HINFP: variants seen among roughly 807,000 people sequenced by gnomAD.
HINFP encodes the protein MBD2 (methyl-CpG-binding protein)-interacting zinc finger protein.
In HINFP, 20 loss-of-function variants were observed where a neutral mutation model predicts 50.1. The observed-to-expected ratio is 0.40, with a 90% confidence interval of 0.28 to 0.58. HINFP has a LOEUF of 0.58. Ranked by LOEUF, HINFP falls within the 20% of genes least tolerant of loss-of-function variation. HINFP has a pLI of 0.45. For missense variants in HINFP, 505 were observed against 664.1 expected, an observed-to-expected ratio of 0.76 and a Z score of 2.63; for synonymous variants, 247 against 243.7, an observed-to-expected ratio of 1.01 and a Z score of -0.13.
chr11:119,132,217 T>C (rs944370141), intron 5 of HINFP: 1 of 618,180 alleles, frequency 1.6e-6, no homozygotes, highest in Non-Finnish European at 2.8e-6. Context: ...CCCCATGAGG[T>C]AGGCTTCTTA....
At position 119,127,094 on chromosome 11, in the gene HINFP, GGAGGAA is replaced by G; in HGVS notation, c.162_167del (p.Glu55_Glu56del). The G allele has an allele frequency of 6.2e-7, 1 of 1,613,056 alleles. No individual in the cohort carries two copies. The highest frequency in any genetic ancestry group is 8.5e-7 in the Non-Finnish European group (1 of 1,179,722). On this transcript the variant is annotated inframe_deletion, in exon 2 of 10. Coordinates refer to ENST00000350777, the MANE Select transcript of HINFP (RefSeq NM_198971.3). ...AGCACCTGCATGGCTCTGGGGAGGA[GGAGGAA>G]GAGGAAGAGGAGGATGACCCACTTG...
intron 2 of HINFP, among the ~76,000 whole-genome samples, chr11:119,129,692 C>T (rs1947646938): frequency 6.6e-6 from 1 of 151,806 alleles, no homozygotes; most frequent in Admixed American, 6.6e-5. Flanking sequence ...TCTCGATCTC[C>T]TGACCTCGTG....
chr11:119,132,229 C>A (rs771269918), intron 5 of HINFP: 1 of 616,756 alleles, frequency 1.6e-6, no homozygotes, highest in South Asian at 2.0e-5. Context: ...GGCTTCTTAT[C>A]CCCCTTTTTG....
At chr11:119,130,057 G>A (rs1652513268) in intron 2 of HINFP, 1 of 152,370 alleles carries the variant, frequency 6.6e-6, no homozygotes, top group South Asian at 2.1e-4. Flanking sequence ...TAGAGAGATA[G>A]GAAATGGATT....
intron 2 of HINFP, among the ~76,000 whole-genome samples, chr11:119,127,839 C>T (rs1947503213): frequency 6.6e-6 from 1 of 151,932 alleles, no homozygotes; most frequent in Non-Finnish European, 1.5e-5. Context: ...CCAAGTCCAA[C>T]CCCACTCCCA....
chr11:119,127,699 C>G (rs1430568271), intron 2 of HINFP, among the ~76,000 whole-genome samples: 1 of 151,580 alleles, frequency 6.6e-6, no homozygotes, highest in Non-Finnish European at 1.5e-5. Flanking sequence ...CACCACCACA[C>G]GCCAATTTTT....
rs776389539 is a variant in HINFP at position 119,131,865 on chromosome 11, C to T, written c.559C>T (p.Arg187Ter). The change falls in exon 5 of 10, where the codon CGA (arginine) becomes TGA (stop). Residue 187 changes from arginine (R) to a stop codon, truncating the protein, a stop_gained. Coordinates refer to ENST00000350777, the MANE Select transcript of HINFP (RefSeq NM_198971.3). LOFTEE classifies it high-confidence loss of function. The surrounding 1 kb of genome is among the most constrained non-coding windows in gnomAD (Gnocchi z 4.2). ...CACCTTCAAGGACCGCAGTAAACTT[C>T]GAGAGCACCTCCGCAGCCATACCCA... ...TCTFKDRSKL[R>*]EHLRSHTQEK... The T allele has an allele frequency of 1.2e-6, 2 of 1,614,132 alleles. No homozygotes were observed. Among genetic ancestry groups the T allele is most frequent in the Admixed American group, 1.7e-5 (1 of 60,018 alleles).
rs939965074 is a variant in HINFP, at chr11:119,135,853, C to G, written c.*1355C>G. 1 of 152,104 alleles carries G rather than the reference C, an allele frequency of 6.6e-6. No individual in the cohort carries two copies. The highest frequency in any genetic ancestry group is 1.5e-5 in the Non-Finnish European group (1 of 68,048). The allele number at this position is 152,104 out of a possible 1,614,324, so 9.4% of individuals were successfully genotyped here. A position where few individuals can be genotyped will look rare whatever the true frequency, so the allele number is the denominator to read the frequency against. On this transcript the variant is annotated 3_prime_UTR_variant, in exon 10 of 10. Coordinates refer to ENST00000350777, the MANE Select transcript of HINFP (RefSeq NM_198971.3). ...ACCATCCTGGCCAACATGGTGAAAC[C>G]CCGTCTCTACTAAAAATATAAAAAT... is the stretch of plus-strand genomic sequence containing the variant.
At chr11:119,128,536 C>T (rs958261338) in intron 2 of HINFP, among the ~76,000 whole-genome samples, 1 of 150,824 alleles carries the variant, frequency 6.6e-6, no homozygotes, top group East Asian at 2.0e-4. Flanking sequence ...CCCTGTTGGC[C>T]AGCCTGGTCT....
Position 119,133,211 on chromosome 11 carries a change from C to T in HINFP, c.1131C>T (p.Pro377=), listed in dbSNP as rs893635492. 4 of 1,613,920 alleles carry T rather than the reference C, an allele frequency of 2.5e-6. No homozygotes were observed. The highest frequency in any genetic ancestry group is 3.4e-6 in the Non-Finnish European group (4 of 1,180,014). ...AGTTCAAGTGGCCCTCAGGGCATCC[C>T]CGTTTTCGGTATGTCTCTCAACCCT... ...KHQFKWPSGH[P]RFRYKEHEDG... Residue 377 remains proline (P), a synonymous_variant, in exon 9 of 10, where the codon CCC becomes CCT. Coordinates refer to ENST00000350777, the MANE Select transcript of HINFP (RefSeq NM_198971.3).
chr11:119,123,369 T>C (rs1372092323), intron 1 of HINFP, among the ~76,000 whole-genome samples: 1 of 152,104 alleles, frequency 6.6e-6, no homozygotes, highest in Non-Finnish European at 1.5e-5. Context: ...AGCTTCTCAA[T>C]AGATGTTCGT....
intron 5 of HINFP, 57 bp from the exon 6 acceptor site, chr11:119,132,439 T>C: frequency 6.3e-7 from 1 of 1,579,672 alleles, no homozygotes; most frequent in South Asian, 1.1e-5. Context: ...CCCTCTCCTT[T>C]CTGTGCCTCT....
intron 1 of HINFP, chr11:119,125,404 T>A (rs1663062338): frequency 6.6e-6 from 1 of 152,216 alleles, no homozygotes; most frequent in East Asian, 1.9e-4. Context: ...GTGCAGTGGC[T>A]CATGCCTGTA....
chr11:119,123,060 G>A lies in HINFP; in HGVS notation c.-11+1421G>A, dbSNP rs546770097. Among the ~76,000 whole-genome samples, 11 of 136,060 alleles carry A rather than the reference G, an allele frequency of 8.1e-5. No homozygotes were observed. The South Asian group carries it at 2.1e-3, about 26-fold the overall frequency. The allele number at this position is 136,060 out of a possible 152,430, so 89.3% of individuals were successfully genotyped here. A position where few individuals can be genotyped will look rare whatever the true frequency, so the allele number is the denominator to read the frequency against. ...CGAGAATCGCTTGAACCTGGGAGGC[G>A]GAGGTTGCAGTGAGCCCAGATCACA... On this transcript the variant is annotated intron_variant, in intron 1 of 9. Transcript: ENST00000350777.
chr11:119,127,404 A>G (rs1947468071), intron 2 of HINFP: 1 of 237,754 alleles, frequency 4.2e-6, no homozygotes, highest in East Asian at 7.0e-5. Context: ...CATATATTTA[A>G]ATACAGATGA....
rs1360985565 is a variant in HINFP, at chr11:119,135,454, G to A, written c.*956G>A. 2.0e-5 allele frequency: 3 copies of A among 152,184 alleles called. No homozygotes were observed. The highest frequency in any genetic ancestry group is 2.0e-4 in the Admixed American group (3 of 15,272). 9.4% of individuals were successfully genotyped at this position (152,184 alleles called of 1,614,324 possible). On this transcript the variant is annotated 3_prime_UTR_variant, in exon 10 of 10. Transcript: ENST00000350777. Reference sequence around the variant, plus strand: ...GGAGAGGATTGGGAAGCCTCCCAGGGAAGGGAGGCAATCAAGTGGTCCAGG... The same window carrying A: ...GGAGAGGATTGGGAAGCCTCCCAGGAAAGGGAGGCAATCAAGTGGTCCAGG...
In HINFP at chr11:119,131,022, T is replaced by G. The variant is rs1220037671; in HGVS notation, c.411+68T>G. ...GGTCTTAACTCTGATGCCTTGTCCC[T>G]TTCAGGGATGCCTTATATTTCCAAG... On this transcript the variant is annotated intron_variant, in intron 3 of 9. Transcript: ENST00000350777. This position sits in a 1 kb window ranked among gnomAD's most constrained non-coding sequence, Gnocchi z 4.2. 2.5e-6 allele frequency: 3 copies of G among 1,222,502 alleles called. No homozygotes were observed. The highest frequency in any genetic ancestry group is 3.6e-6 in the Non-Finnish European group (3 of 824,974). 75.7% of individuals were successfully genotyped at this position (1,222,502 alleles called of 1,614,324 possible).
Position 119,132,769 on chromosome 11 carries a change from G to A in HINFP, c.863G>A (p.Cys288Tyr), listed in dbSNP as rs1326946216. Reference sequence around the variant, plus strand: ...GAGGACCGGCCCTTTAAATGTGACTGTTGTGACTACAGGTAAGGGGGACCA... The same window carrying A: ...GAGGACCGGCCCTTTAAATGTGACTATTGTGACTACAGGTAAGGGGGACCA... Reference protein sequence around the residue: ...HSEDRPFKCDCCDYSCKNLID... With the variant: ...HSEDRPFKCDYCDYSCKNLID... Residue 288 changes from cysteine (C) to tyrosine (Y), a missense_variant, in exon 7 of 10, where the codon TGT becomes TAT. Physicochemically the swap from Cys to Tyr is radical, Grantham distance 194. Transcript: ENST00000350777. The A allele has an allele frequency of 6.2e-7, 1 of 1,613,458 alleles. No homozygotes were observed.
In HINFP at chr11:119,134,694, G is replaced by A; in HGVS notation, c.*196G>A. 1.9e-6 allele frequency: 1 copy of A among 527,930 alleles called. No individual in the cohort carries two copies. Among genetic ancestry groups the A allele is most frequent in the Non-Finnish European group, 3.4e-6 (1 of 298,472 alleles). 32.7% of individuals were successfully genotyped at this position (527,930 alleles called of 1,614,324 possible). ...CCTTTTCTGCCAGACTACATTTTGT[G>A]GGGAGCCTGAGGACTCTGGATTCTT... is the stretch of plus-strand genomic sequence containing the variant. On this transcript the variant is annotated 3_prime_UTR_variant, in exon 10 of 10. Transcript: ENST00000350777. This position sits in a 1 kb window ranked among gnomAD's most constrained non-coding sequence, Gnocchi z 4.3.
Sources: allele counts gnomAD v4.1 joint callset (sites outside exome capture counted in the v4.1 genomes callset), GRCh38; gene constraint gnomAD v4.1.1; non-coding constraint Gnocchi (gnomAD v3.1); transcripts MANE v1.5; gene names NCBI Gene and HGNC (gene_info 2026-07-23, HGNC 2026-07-21).